BACH2: variants seen among roughly 807,000 people sequenced by gnomAD.
The protein encoded by BACH2 is transcription regulator protein BACH2.
Under a neutral mutation model 61.8 loss-of-function variants are expected in BACH2, and 5 were observed. The ratio of observed to expected loss-of-function variants is 0.08; its 90% CI spans 0.04 to 0.17. The LOEUF (loss-of-function observed/expected upper bound fraction) is 0.17. Among genes scored for constraint, BACH2 ranks in the 10% least tolerant of loss-of-function variants. The probability of loss-of-function intolerance (pLI) is 1.00; values close to 1 mark genes in which losing one functional copy is unlikely to be tolerated. For missense variants in BACH2, 824 were observed against 1,091.1 expected, an observed-to-expected ratio of 0.76 and a Z score of 3.45; for synonymous variants, 446 against 440.1, an observed-to-expected ratio of 1.01 and a Z score of -0.17.
intron 6 of BACH2, among the ~76,000 whole-genome samples, chr6:89,991,254 C>T (rs764168105): frequency 6.6e-5 from 10 of 152,172 alleles, no homozygotes; most frequent in Non-Finnish European, 1.3e-4. Flanking sequence ...CAATCAAAAT[C>T]CATTATTTAT....
intron 5 of BACH2, among the ~76,000 whole-genome samples, chr6:90,057,392 C>T (rs1026967849): frequency 5.9e-5 from 9 of 152,236 alleles, no homozygotes; most frequent in Admixed American, 3.3e-4. Context: ...ATAAATTCCT[C>T]GACACATACA....
intron 3 of BACH2, among the ~76,000 whole-genome samples, chr6:90,231,763 C>G (rs1473335706): frequency 6.6e-6 from 1 of 152,194 alleles, no homozygotes; most frequent in Non-Finnish European, 1.5e-5. Flanking sequence ...TTCAGAGATA[C>G]AGCAAATCAC....
chr6:89,965,102 G>C (rs991345553), intron 6 of BACH2, among the ~76,000 whole-genome samples: 2 of 152,162 alleles, frequency 1.3e-5, no homozygotes, highest in African/African-American at 4.8e-5. Flanking sequence ...GGTCAGGCTA[G>C]TCTCGAACTC....
rs546722360 is a variant in BACH2, at chr6:90,285,433, T to G, written c.-446+11047A>C. Among the ~76,000 whole-genome samples, 33 of 152,276 alleles carry G rather than the reference T, an allele frequency of 2.2e-4. No individual in the cohort carries two copies. In the South Asian group the frequency reaches 6.6e-3, roughly 31 times the overall value. ...AAGAAAGCCTAACTAAGTTAAAGGT[T>G]TATGAAAACTCTTTCTGATCTTAGT... On this transcript the variant is annotated intron_variant, in intron 1 of 8. Coordinates refer to ENST00000257749, the MANE Select transcript of BACH2 (RefSeq NM_021813.4).
chr6:90,065,026 CAG>C (rs1371385671), intron 5 of BACH2, among the ~76,000 whole-genome samples: 1 of 151,898 alleles, frequency 6.6e-6, no homozygotes, highest in East Asian at 1.9e-4. Context: ...TCCTTCCTTA[CAG>C]AGTCTTGGGT....
intron 6 of BACH2, among the ~76,000 whole-genome samples, chr6:90,003,696 CAG>C (rs1236981022): frequency 6.6e-6 from 1 of 152,168 alleles, no homozygotes; most frequent in East Asian, 1.9e-4. Flanking sequence ...TACCAAGGTG[CAG>C]AGTGTGGTTT....
At chr6:89,962,483 C>G (rs1774801698) in intron 6 of BACH2, among the ~76,000 whole-genome samples, 1 of 152,204 alleles carries the variant, frequency 6.6e-6, no homozygotes, top group Non-Finnish European at 1.5e-5. Flanking sequence ...AAGGTCTCCA[C>G]TCATTTTGGG....
intron 4 of BACH2, among the ~76,000 whole-genome samples, chr6:90,098,851 A>T (rs1008377445): frequency 5.9e-5 from 9 of 151,916 alleles, no homozygotes; most frequent in African/African-American, 2.2e-4. Flanking sequence ...GGTCCAACTG[A>T]CTGTCAACAC....
intron 1 of BACH2, among the ~76,000 whole-genome samples, chr6:90,285,583 T>C (rs921745855): frequency 1.8e-4 from 28 of 152,228 alleles, no homozygotes; most frequent in African/African-American, 6.8e-4. Context: ...AGAAATGCTA[T>C]GAATCTTTAT....
chr6:90,112,030 G>A (rs1783194605), intron 4 of BACH2, among the ~76,000 whole-genome samples: 1 of 152,180 alleles, frequency 6.6e-6, no homozygotes, highest in Admixed American at 6.5e-5. Context: ...TCCGTCACTA[G>A]TACATACTTT....
intron 7 of BACH2, among the ~76,000 whole-genome samples, chr6:89,943,826 A>G (rs937229948): frequency 3.9e-5 from 6 of 152,224 alleles, no homozygotes; most frequent in African/African-American, 1.2e-4. Flanking sequence ...AACCCATGGG[A>G]GTAGGGTCAC....
At chr6:90,014,076 G>A (rs1777882552) in intron 5 of BACH2, among the ~76,000 whole-genome samples, 1 of 152,144 alleles carries the variant, frequency 6.6e-6, no homozygotes, top group East Asian at 1.9e-4. Context: ...AAGCCACTGT[G>A]CCCAGCCCTG....
intron 5 of BACH2, among the ~76,000 whole-genome samples, chr6:90,056,807 G>C (rs918834047): frequency 1.3e-5 from 2 of 152,162 alleles, no homozygotes; most frequent in African/African-American, 2.4e-5. Flanking sequence ...TAGAAATCAG[G>C]ATTAAGAAAC....
intron 5 of BACH2, among the ~76,000 whole-genome samples, chr6:90,055,993 A>C (rs934783237): frequency 2.0e-5 from 3 of 152,192 alleles, no homozygotes; most frequent in African/African-American, 7.2e-5. Context: ...GAAAGGAACA[A>C]CTGGTACCAG....
chr6:90,113,210 A>G (rs1255223957), intron 4 of BACH2, among the ~76,000 whole-genome samples: 2 of 152,208 alleles, frequency 1.3e-5, no homozygotes, highest in East Asian at 3.8e-4. Context: ...GTGAAAAATT[A>G]ACAAAGATAT....
chr6:90,151,366 C>A (rs774382434), intron 4 of BACH2, among the ~76,000 whole-genome samples: 7 of 152,248 alleles, frequency 4.6e-5, no homozygotes, highest in Middle Eastern at 3.4e-3. Flanking sequence ...CTTACTGTAG[C>A]CTCGACCTCC....
intron 4 of BACH2, among the ~76,000 whole-genome samples, chr6:90,121,319 C>T (rs985669680): frequency 6.6e-6 from 1 of 152,118 alleles, no homozygotes; most frequent in Non-Finnish European, 1.5e-5. Flanking sequence ...AGAAAACACC[C>T]AGTCAGGTTA....
At chr6:90,027,369 T>C (rs571663027) in intron 5 of BACH2, among the ~76,000 whole-genome samples, 2 of 152,330 alleles carry the variant, frequency 1.3e-5, no homozygotes, top group East Asian at 1.9e-4. Flanking sequence ...ACACTTAGTA[T>C]ACTGTTTAAG....
At position 89,995,058 on chromosome 6, in the gene BACH2, A is replaced by C. The variant is rs149279058; in HGVS notation, c.243+13544T>G. 5.3e-5 allele frequency among the ~76,000 whole-genome samples: 8 copies of C among 152,142 alleles called. No homozygotes were observed. In the East Asian group the frequency reaches 1.5e-3, roughly 29 times the overall value. On this transcript the variant is annotated intron_variant, in intron 6 of 8. Coordinates refer to ENST00000257749, the MANE Select transcript of BACH2 (RefSeq NM_021813.4). ...TATTTGAGTTTCTCCAATTTCCCCC[A>C]CTCCAGAGTCCTTTATAACTGGTTT...
Sources: allele counts gnomAD v4.1 joint callset (sites outside exome capture counted in the v4.1 genomes callset), GRCh38; gene constraint gnomAD v4.1.1; transcripts MANE v1.5; gene names NCBI Gene and HGNC (gene_info 2026-07-23, HGNC 2026-07-21).